Variants in RABGAP1L observed in about 807,000 individuals in gnomAD.
RABGAP1L encodes RAB GTPase activating protein 1 like, also known as rab GTPase-activating protein 1-like.
In RABGAP1L, 63 loss-of-function variants were observed where a neutral mutation model predicts 137.7. The observed-to-expected ratio is 0.46, with a 90% confidence interval of 0.37 to 0.56. The LOEUF (loss-of-function observed/expected upper bound fraction) is 0.56, where lower values mean the gene tolerates loss of function less well. Ranked by LOEUF, RABGAP1L falls within the 20% of genes least tolerant of loss-of-function variation. The pLI, the probability that RABGAP1L is intolerant of heterozygous loss-of-function variation, is 0.00. For synonymous variants in RABGAP1L, 431 were observed against 433.7 expected, an observed-to-expected ratio of 0.99 and a Z score of 0.08; for missense variants, 1,095 against 1,244.0, an observed-to-expected ratio of 0.88 and a Z score of 1.80.
intron 17 of RABGAP1L, among the ~76,000 whole-genome samples, chr1:174,733,608 T>A (rs1277484551): frequency 6.6e-6 from 1 of 152,224 alleles, no homozygotes; most frequent in East Asian, 1.9e-4. Flanking sequence ...TTTTGTACTT[T>A]CATCACTCAT....
intron 13 of RABGAP1L, among the ~76,000 whole-genome samples, chr1:174,399,690 A>C (rs1419788665): frequency 6.6e-6 from 1 of 152,164 alleles, no homozygotes; most frequent in Non-Finnish European, 1.5e-5. Context: ...GGGAGGCCTC[A>C]GCAAATTTAC....
At chr1:174,405,283 C>G (rs1159434253) in intron 13 of RABGAP1L, among the ~76,000 whole-genome samples, 1 of 152,030 alleles carries the variant, frequency 6.6e-6, no homozygotes. Flanking sequence ...TAAATATTTG[C>G]TTTTTCTTTA....
intron 1 of RABGAP1L, among the ~76,000 whole-genome samples, chr1:174,183,838 T>A (rs886338550): frequency 2.6e-5 from 4 of 151,196 alleles, no homozygotes; most frequent in African/African-American, 9.7e-5. Context: ...TACAGTTGAG[T>A]CACAGAATAT....
At chr1:174,958,081 A>G in intron 20 of RABGAP1L, 2 of 1,519,586 alleles carry the variant, frequency 1.3e-6, no homozygotes, top group Non-Finnish European at 1.8e-6. Context: ...GAACTGTTCC[A>G]AGACTGACAC....
chr1:174,621,992 C>CT (rs1553216132), intron 13 of RABGAP1L, among the ~76,000 whole-genome samples: 1 of 147,842 alleles, frequency 6.8e-6, no homozygotes, highest in Non-Finnish European at 1.5e-5. Context: ...ACAATGAACT[C>CT]TAACAAATCT....
intron 2 of RABGAP1L, 107 bp from the exon 3 acceptor site, chr1:174,220,865 T>C (rs1669703916): frequency 1.0e-6 from 1 of 983,632 alleles, no homozygotes; most frequent in Non-Finnish European, 1.4e-6. Flanking sequence ...TAACTATATT[T>C]AAATATTTAG....
chr1:174,245,052 A>G (rs1254138936), intron 5 of RABGAP1L: 1 of 152,210 alleles, frequency 6.6e-6, no homozygotes, highest in Non-Finnish European at 1.5e-5. Flanking sequence ...TGTATAAAAG[A>G]AAACGTGTTC....
At chr1:174,630,063 G>A (rs1056406040) in intron 13 of RABGAP1L, among the ~76,000 whole-genome samples, 14 of 150,560 alleles carry the variant, frequency 9.3e-5, no homozygotes, top group South Asian at 2.1e-4. Context: ...TTTGAAATAC[G>A]TCCCATCAAT....
intron 11 of RABGAP1L, among the ~76,000 whole-genome samples, chr1:174,316,470 C>G (rs1679384473): frequency 6.6e-6 from 1 of 152,216 alleles, no homozygotes; most frequent in Admixed American, 6.5e-5. Context: ...CCCAGTAATG[C>G]TGTGGTTCTT....
At chr1:174,161,781 T>C (rs1664479829) in intron 1 of RABGAP1L, among the ~76,000 whole-genome samples, 1 of 151,894 alleles carries the variant, frequency 6.6e-6, no homozygotes, top group African/African-American at 2.4e-5. Flanking sequence ...CAGGCTGGAG[T>C]GCAGTGGCTC....
At chr1:174,768,875 T>C (rs1381360393) in intron 18 of RABGAP1L, among the ~76,000 whole-genome samples, 2 of 152,244 alleles carry the variant, frequency 1.3e-5, no homozygotes, top group African/African-American at 2.4e-5. Flanking sequence ...CTCGAGTTGC[T>C]GCAGACCTGT....
intron 13 of RABGAP1L, among the ~76,000 whole-genome samples, chr1:174,560,277 AC>A (rs1667127541): frequency 6.6e-6 from 1 of 152,068 alleles, no homozygotes; most frequent in Non-Finnish European, 1.5e-5. Context: ...CTGTGTCTCC[AC>A]CTTCACCCCC....
chr1:174,489,152 G>A (rs1659966491), intron 13 of RABGAP1L, among the ~76,000 whole-genome samples: 1 of 151,638 alleles, frequency 6.6e-6, no homozygotes, highest in Non-Finnish European at 1.5e-5. Flanking sequence ...CAAAAACAAT[G>A]GCAACAAAAG....
rs76430583 is a variant in RABGAP1L, at chr1:174,253,826, T to C, written c.986+1236T>C. Among the ~76,000 whole-genome samples the C allele has an allele frequency of 8.9e-3, 1,353 of 152,326 alleles. 18 individuals carry two copies. The highest frequency in any genetic ancestry group is 0.031 in the African/African-American group (1,275 of 41,558). On this transcript the variant is annotated intron_variant, in intron 7 of 25. Coordinates refer to ENST00000681986, the MANE Select transcript of RABGAP1L (RefSeq NM_001366446.1). ...TAGTGGCAAAAACTGGAAATACAGATGCCTATTTGGCTTCAAGGAGCAAGG... is the reference window on the plus strand; with the variant it reads ...TAGTGGCAAAAACTGGAAATACAGACGCCTATTTGGCTTCAAGGAGCAAGG...
chr1:174,489,724 G>A (rs541438925), intron 13 of RABGAP1L, among the ~76,000 whole-genome samples: 156 of 152,256 alleles, frequency 1.0e-3, no homozygotes, highest in African/African-American at 3.4e-3. Context: ...CAAGACACGT[G>A]CACACGTATG....
chr1:174,228,633 A>G (rs1349667297), intron 3 of RABGAP1L, among the ~76,000 whole-genome samples: 1 of 152,216 alleles, frequency 6.6e-6, no homozygotes, highest in Non-Finnish European at 1.5e-5. Context: ...GTTGAAGAAC[A>G]TGGTAGATGA....
At chr1:174,410,277 AT>A (rs1310768758) in intron 13 of RABGAP1L, among the ~76,000 whole-genome samples, 2 of 152,140 alleles carry the variant, frequency 1.3e-5, no homozygotes, top group African/African-American at 2.4e-5. Context: ...CCCCCGATAA[AT>A]TATTTCCCAA....
rs181924342 is a variant in RABGAP1L, at chr1:174,289,987, A to G, written c.1323+11208A>G. ...CTGTGCCCCACTGTTTGATGTAGTC[A>G]TTGGCTAGGCTCCCTGGTTGGGTGG... is the stretch of plus-strand genomic sequence containing the variant. On this transcript the variant is annotated intron_variant, in intron 10 of 25. Transcript: ENST00000681986. Among the ~76,000 whole-genome samples, 81 of 152,222 alleles carry G rather than the reference A, an allele frequency of 5.3e-4. 1 individual carries two copies. Among genetic ancestry groups the G allele is most frequent in the Admixed American group, 1.9e-3 (29 of 15,304 alleles).
intron 19 of RABGAP1L, among the ~76,000 whole-genome samples, chr1:174,859,246 C>T (rs1649825999): frequency 6.6e-6 from 1 of 152,182 alleles, no homozygotes; most frequent in Admixed American, 6.5e-5. Flanking sequence ...CTTTGGGAGG[C>T]CAAGACGGGT....
Sources: gnomAD v4.1 joint callset for allele counts (sites outside exome capture counted in the v4.1 genomes callset) on GRCh38, gnomAD v4.1.1 for gene constraint, MANE v1.5 for transcripts, NCBI Gene and HGNC (gene_info 2026-07-23, HGNC 2026-07-21) for gene names.